SBF2: variants seen among roughly 807,000 people sequenced by gnomAD.
SBF2 encodes myotubularin-related protein 13.
A neutral mutation model predicts 225.2 loss-of-function variants in SBF2; 112 were observed. The observed-to-expected ratio is 0.50, with a 90% CI of 0.43 to 0.58. The LOEUF (loss-of-function observed/expected upper bound fraction) is 0.58. Among genes scored for constraint, SBF2 ranks in the 20% least tolerant of loss-of-function variants. The pLI, the probability that SBF2 is intolerant of heterozygous loss-of-function variation, is 0.00. For synonymous variants in SBF2, 763 were observed against 773.3 expected (o/e 0.99, Z 0.22); for missense variants, 1,996 against 2,206.2 (o/e 0.90, Z 1.91).
intron 1 of SBF2, among the ~76,000 whole-genome samples, chr11:10,206,544 T>C (rs1046898998): frequency 1.3e-5 from 2 of 151,966 alleles, no homozygotes; most frequent in African/African-American, 4.8e-5. Flanking sequence ...ATGAATCAGA[T>C]GGAAGAATTA....
intron 2 of SBF2, among the ~76,000 whole-genome samples, chr11:10,066,023 C>T (rs1033338653): frequency 2.6e-5 from 4 of 151,998 alleles, no homozygotes; most frequent in Non-Finnish European, 4.4e-5. Context: ...ACCTGAATAA[C>T]CCTATATCCA....
At chr11:10,163,228 T>C (rs1244379587) in intron 2 of SBF2, among the ~76,000 whole-genome samples, 2 of 152,122 alleles carry the variant, frequency 1.3e-5, no homozygotes, top group Non-Finnish European at 1.5e-5. Context: ...TCAAAAAGAA[T>C]TGTAATTACA....
chr11:10,065,512 A>C (rs1421891909), intron 2 of SBF2, among the ~76,000 whole-genome samples: 3 of 152,200 alleles, frequency 2.0e-5, no homozygotes. Context: ...CACTGATCAC[A>C]CACAGAGAAA....
chr11:9,935,193 T>A (rs11069414), intron 16 of SBF2, among the ~76,000 whole-genome samples: 1 of 152,026 alleles, frequency 6.6e-6, no homozygotes, highest in Non-Finnish European at 1.5e-5. Flanking sequence ...ATGAGTGAAC[T>A]CCCATTCACA....
At chr11:9,862,623 A>G (rs1857851346) in intron 17 of SBF2, among the ~76,000 whole-genome samples, 1 of 151,700 alleles carries the variant, frequency 6.6e-6, no homozygotes, top group African/African-American at 2.4e-5. Context: ...ATGTAATGAG[A>G]CTTTAGGGTT....
chr11:10,133,771 G>A (rs1462389256), intron 2 of SBF2, among the ~76,000 whole-genome samples: 1 of 152,032 alleles, frequency 6.6e-6, no homozygotes, highest in Non-Finnish European at 1.5e-5. Flanking sequence ...ATGGGGGACT[G>A]AAGGGCTCCT....
intron 2 of SBF2, among the ~76,000 whole-genome samples, chr11:10,072,908 T>TATG (rs1565198613): frequency 1.3e-5 from 2 of 149,546 alleles, no homozygotes; most frequent in African/African-American, 4.9e-5. Flanking sequence ...TTATTATTAT[T>TATG]ATTATCATCA....
intron 24 of SBF2, among the ~76,000 whole-genome samples, chr11:9,843,549 T>C (rs932749442): frequency 1.3e-5 from 2 of 152,152 alleles, no homozygotes; most frequent in African/African-American, 4.8e-5. Flanking sequence ...CAGATGGAGG[T>C]GAAGACTCTG....
At chr11:10,289,244 G>A (rs1591373450) in intron 1 of SBF2, among the ~76,000 whole-genome samples, 1 of 152,218 alleles carries the variant, frequency 6.6e-6, no homozygotes, top group Admixed American at 6.5e-5. Flanking sequence ...GCCCCTGAGA[G>A]TGCAAAGAGG....
chr11:10,253,302 T>C (rs900816639), intron 1 of SBF2, among the ~76,000 whole-genome samples: 1 of 152,046 alleles, frequency 6.6e-6, no homozygotes, highest in African/African-American at 2.4e-5. Context: ...AAAAGAGTTA[T>C]GAGAGAAAGG....
At chr11:10,275,748 AT>A (rs1962910191) in intron 1 of SBF2, among the ~76,000 whole-genome samples, 2 of 152,164 alleles carry the variant, frequency 1.3e-5, no homozygotes, top group South Asian at 4.1e-4. Flanking sequence ...GGAACAATTC[AT>A]TGTTTCAAAA....
chr11:9,845,856 G>A, intron 23 of SBF2, 116 bp from the exon 24 acceptor site: 1 of 902,982 alleles, frequency 1.1e-6, no homozygotes. Context: ...AAGGGACTTT[G>A]GATAACATGC....
intron 1 of SBF2, among the ~76,000 whole-genome samples, chr11:10,273,452 AAT>A (rs1410756840): frequency 1.3e-5 from 2 of 152,256 alleles, no homozygotes; most frequent in African/African-American, 4.8e-5. Context: ...ATTAAAAATA[AAT>A]ATGAGCACAT....
intron 34 of SBF2, 134 bp from the exon 35 acceptor site, chr11:9,789,476 A>ATATT (rs766709215): frequency 1.6e-6 from 1 of 644,128 alleles, no homozygotes. Flanking sequence ...ATATTTCTAA[A>ATATT]TATTTAAAAA....
chr11:9,967,971 C>CTCTCTCTA (rs1260685462), intron 14 of SBF2, among the ~76,000 whole-genome samples: 65 of 91,498 alleles, frequency 7.1e-4, no homozygotes, highest in African/African-American at 2.2e-3. Context: ...CTCTCTCTCT[C>CTCTCTCTA]TATATATATA....
intron 22 of SBF2, among the ~76,000 whole-genome samples, chr11:9,848,315 T>C (rs552080259): frequency 3.3e-5 from 5 of 152,318 alleles, no homozygotes; most frequent in Admixed American, 6.5e-5. Flanking sequence ...TTATATAACA[T>C]GTAAAATTAT....
chr11:9,844,902 T>C (rs1383284000), intron 24 of SBF2, among the ~76,000 whole-genome samples: 2 of 152,140 alleles, frequency 1.3e-5, no homozygotes, highest in African/African-American at 2.4e-5. Context: ...GAACTTAAAG[T>C]ATAATAAATA....
intron 3 of SBF2, among the ~76,000 whole-genome samples, chr11:10,038,834 C>G (rs1349626269): frequency 6.6e-6 from 1 of 151,584 alleles, no homozygotes; most frequent in Non-Finnish European, 1.5e-5. Context: ...TATGAAATAA[C>G]TTTAAAAAGA....
chr11:10,132,133 A>C (rs1565266133), intron 2 of SBF2, among the ~76,000 whole-genome samples: 1 of 152,032 alleles, frequency 6.6e-6, no homozygotes, highest in Non-Finnish European at 1.5e-5. Flanking sequence ...TTTTCCTTTG[A>C]ATTGTTTTTG....
Sources: gnomAD v4.1 joint callset for allele counts (sites outside exome capture counted in the v4.1 genomes callset) on GRCh38, gnomAD v4.1.1 for gene constraint, MANE v1.5 for transcripts, NCBI Gene and HGNC (gene_info 2026-07-23, HGNC 2026-07-21) for gene names.